The following DNAJC12 variants were observed in gnomAD, a reference collection of about 807,000 sequenced individuals.
The protein encoded by DNAJC12 is DnaJ heat shock protein family (Hsp40) member C12.
Under a neutral mutation model 28.5 loss-of-function variants are expected in DNAJC12, and 25 were observed. The observed-to-expected ratio is 0.88, with a 90% CI of 0.64 to 1.22. The LOEUF is 1.22. Ranked by LOEUF, DNAJC12 falls within the 50% of genes most tolerant of loss-of-function variation. The pLI is 0.00. For synonymous variants in DNAJC12, 77 were observed against 80.6 expected (o/e 0.95, Z 0.24); for missense variants, 222 against 231.7 (o/e 0.96, Z 0.27).
In DNAJC12 at chr10:67,821,834, T is replaced by C. The variant is rs186804405; in HGVS notation, c.157+1480A>G. ...GATGAGAAAGGTAAATCAACAGTGT[T>C]TGGCAATTTCCCAGATATGGACATG... On this transcript the variant is annotated intron_variant, in intron 2 of 4. Coordinates refer to ENST00000225171, the MANE Select transcript of DNAJC12 (RefSeq NM_021800.3). 2.5e-3 allele frequency among the ~76,000 whole-genome samples: 380 copies of C among 152,148 alleles called. 14 individuals are homozygous for C. Among genetic ancestry groups the C allele is most frequent in the Admixed American group, 0.02 (304 of 15,264 alleles).
chr10:67,823,480 C>G, intron 1 of DNAJC12, 88 bp from the exon 2 acceptor site: 1 of 1,046,582 alleles, frequency 9.6e-7, no homozygotes, highest in Non-Finnish European at 1.5e-6. Flanking sequence ...GAGGCTGAGG[C>G]AAGCGGATCA....
At chr10:67,797,368 TAAAC>T (rs991619008) in intron 4 of DNAJC12, among the ~76,000 whole-genome samples, 158 bp from the exon 5 acceptor site, 11 of 152,306 alleles carry the variant, frequency 7.2e-5, no homozygotes, top group South Asian at 6.2e-4. Context: ...TGGATTAACT[TAAAC>T]AGACTGGAAT....
At chr10:67,830,614 T>A (rs1211545893) in intron 1 of DNAJC12, among the ~76,000 whole-genome samples, 1 of 71,130 alleles carries the variant, frequency 1.4e-5, no homozygotes, top group African/African-American at 4.2e-5. Context: ...TCTCAAAAAA[T>A]AAATAAATAA....
chr10:67,831,755 C>T (rs755065890), intron 1 of DNAJC12, among the ~76,000 whole-genome samples: 1 of 152,186 alleles, frequency 6.6e-6, no homozygotes. Context: ...TCATGTCTCA[C>T]CTTTTTGTTT....
intron 2 of DNAJC12, among the ~76,000 whole-genome samples, chr10:67,811,942 T>C (rs1841865244): frequency 6.6e-6 from 1 of 151,926 alleles, no homozygotes; most frequent in African/African-American, 2.4e-5. Flanking sequence ...ATAATAGACA[T>C]TATTAGCAGG....
At chr10:67,804,811 C>A (rs919937667) in intron 4 of DNAJC12, among the ~76,000 whole-genome samples, 4 of 152,132 alleles carry the variant, frequency 2.6e-5, no homozygotes, top group African/African-American at 4.8e-5. Flanking sequence ...GCAGGAGGAT[C>A]ACCTGAGGTC....
intron 2 of DNAJC12, among the ~76,000 whole-genome samples, chr10:67,815,508 CAA>C (rs762037586): frequency 1.2e-4 from 8 of 65,768 alleles, no homozygotes; most frequent in African/African-American, 2.2e-4. Context: ...TACTTCGTCT[CAA>C]AAAAAAAAAA....
At chr10:67,821,635 C>T (rs118129718) in intron 2 of DNAJC12, among the ~76,000 whole-genome samples, 14,285 of 152,246 alleles carry the variant, frequency 0.094, 873 homozygotes, top group Middle Eastern at 0.18. Flanking sequence ...ATGTGGGCAT[C>T]TGTTAGAGTA....
intron 1 of DNAJC12, among the ~76,000 whole-genome samples, chr10:67,833,429 C>G (rs1842112399): frequency 1.4e-5 from 1 of 73,264 alleles, no homozygotes; most frequent in South Asian, 4.0e-4. Context: ...TCCTCTCTCT[C>G]TCCCTCTCCC....
rs1841700755 is a variant in DNAJC12, at chr10:67,798,369, G to A, written c.503-1159C>T. Among the ~76,000 whole-genome samples the A allele has an allele frequency of 2.6e-5, 4 of 151,952 alleles. No homozygotes were observed. The South Asian group carries it at 8.3e-4, about 32-fold the overall frequency. The stretch of plus-strand genomic sequence containing the variant: ...ACTCATTATTTACATGAATATTTAT[G>A]TGAAATTTTTTTAAGTCTAAAAAAA... On this transcript the variant is annotated intron_variant, in intron 4 of 4. Transcript: ENST00000225171.
At chr10:67,798,047 A>G (rs1352343682) in intron 4 of DNAJC12, among the ~76,000 whole-genome samples, 2 of 151,782 alleles carry the variant, frequency 1.3e-5, no homozygotes, top group Non-Finnish European at 1.5e-5. Flanking sequence ...CTCAGAAAAA[A>G]AAAAAAAAAA....
At chr10:67,831,813 C>T (rs1292105442) in intron 1 of DNAJC12, among the ~76,000 whole-genome samples, 1 of 152,108 alleles carries the variant, frequency 6.6e-6, no homozygotes, top group Non-Finnish European at 1.5e-5. Flanking sequence ...ACTGGCCCAA[C>T]AGGAAATGTT....
At chr10:67,800,586 G>A (rs527725577) in intron 4 of DNAJC12, among the ~76,000 whole-genome samples, 1 of 152,256 alleles carries the variant, frequency 6.6e-6, no homozygotes, top group South Asian at 2.1e-4. Context: ...GGAGCCACAA[G>A]GTTGGCAATG....
chr10:67,819,409 C>T (rs1247614156), intron 2 of DNAJC12, among the ~76,000 whole-genome samples: 1 of 151,742 alleles, frequency 6.6e-6, no homozygotes, highest in African/African-American at 2.4e-5. Flanking sequence ...GAGGCCGAGG[C>T]AGGCGAATCA....
At chr10:67,814,622 G>A (rs1025403550) in intron 2 of DNAJC12, among the ~76,000 whole-genome samples, 8 of 152,066 alleles carry the variant, frequency 5.3e-5, no homozygotes, top group African/African-American at 1.9e-4. Context: ...ATCTGATAAG[G>A]TACTTATATC....
chr10:67,797,301 C>T, intron 4 of DNAJC12, 91 bp from the exon 5 acceptor site: 1 of 980,006 alleles, frequency 1.0e-6, no homozygotes. Context: ...TATTTCACTG[C>T]AGCAGGTACA....
chr10:67,834,997 G>A (rs1589052045), intron 1 of DNAJC12, among the ~76,000 whole-genome samples: 2 of 152,072 alleles, frequency 1.3e-5, no homozygotes, highest in East Asian at 3.9e-4. Context: ...CTCATTGCTT[G>A]TTTTCATGGT....
At chr10:67,813,641 C>A (rs1251760330) in intron 2 of DNAJC12, among the ~76,000 whole-genome samples, 1 of 151,130 alleles carries the variant, frequency 6.6e-6, no homozygotes, top group Non-Finnish European at 1.5e-5. Context: ...GCCTGTAATC[C>A]CAGCTACTCA....
At chr10:67,813,564 A>T (rs1030469105) in intron 2 of DNAJC12, among the ~76,000 whole-genome samples, 6 of 150,654 alleles carry the variant, frequency 4.0e-5, no homozygotes, top group Non-Finnish European at 7.4e-5. Flanking sequence ...TCTGGCCAAC[A>T]TGGTGAAACC....
Sources: allele counts gnomAD v4.1 joint callset (sites outside exome capture counted in the v4.1 genomes callset), GRCh38; gene constraint gnomAD v4.1.1; transcripts MANE v1.5; gene names NCBI Gene and HGNC (gene_info 2026-07-23, HGNC 2026-07-21).